The following FAM163A variants were observed in gnomAD, a reference collection of about 807,000 sequenced individuals.
The protein encoded by FAM163A is protein FAM163A.
In FAM163A, 7 loss-of-function variants were observed where a neutral mutation model predicts 12.0. That is an observed-to-expected ratio of 0.58 (90% CI 0.33 to 1.10). The LOEUF is 1.10. Among genes scored for constraint, FAM163A ranks in the 50% least tolerant of loss-of-function variants. The pLI is 0.03. For missense variants in FAM163A, 202 were observed against 218.6 expected (o/e 0.92, Z 0.48); for synonymous variants, 101 against 91.0 (o/e 1.11, Z -0.62).
At chr1:179,764,532 A>G (rs964963038) in intron 1 of FAM163A, among the ~76,000 whole-genome samples, 1 of 152,152 alleles carries the variant, frequency 6.6e-6, no homozygotes, top group African/African-American at 2.4e-5. Flanking sequence ...TTACCCTTCC[A>G]TGGTAGATGA....
chr1:179,765,677 A>AT (rs749528573), intron 1 of FAM163A, among the ~76,000 whole-genome samples: 8,042 of 127,144 alleles, frequency 0.063, 433 homozygotes, highest in African/African-American at 0.15. Context: ...AGCTTTGGGA[A>AT]TTTTTTTTTT....
intron 1 of FAM163A, among the ~76,000 whole-genome samples, chr1:179,789,104 A>G (rs1207809979): frequency 2.0e-5 from 3 of 152,262 alleles, no homozygotes; most frequent in Non-Finnish European, 4.4e-5. Context: ...TTAAAAACAC[A>G]ACTTGAAATA....
chr1:179,769,985 A>G (rs1688056865), intron 1 of FAM163A, among the ~76,000 whole-genome samples: 2 of 137,654 alleles, frequency 1.5e-5, no homozygotes, highest in South Asian at 4.5e-4. Context: ...GGCTCACTGC[A>G]AGCTCCGCCT....
chr1:179,742,823 C>A (rs1298608808), upstream of FAM163A: 5 of 152,200 alleles, frequency 3.3e-5, no homozygotes, highest in East Asian at 3.9e-4. Flanking sequence ...CGCCCTGCCA[C>A]GAGGCCCGGG....
chr1:179,813,933 C>T lies in FAM163A; in HGVS notation c.248C>T (p.Pro83Leu). The T allele has an allele frequency of 1.9e-6, 3 of 1,613,768 alleles. No individual in the cohort carries two copies. Among genetic ancestry groups the T allele is most frequent in the Non-Finnish European group, 2.5e-6 (3 of 1,180,012 alleles). Residue 83 changes from proline to leucine, a missense_variant, in exon 5 of 5, where the codon CCC becomes CTC. By Grantham distance (98) the Pro-to-Leu change is moderately conservative. Transcript: ENST00000341785. ...AGCCTGGCGCCTCTCACCAGCGAGC[C>T]CTGCAGCCAGCCCTGTGGGGTGGCC... ...RGSLAPLTSE[P>L]CSQPCGVAAS...
At chr1:179,739,166 T>C (rs1475180377), upstream of FAM163A, among the ~76,000 whole-genome samples, 3 of 150,998 alleles carry the variant, frequency 2.0e-5, no homozygotes, top group South Asian at 2.1e-4. Context: ...TCACATCTTA[T>C]ACAAAAATTA....
At chr1:179,788,092 G>A (rs1690909573) in intron 1 of FAM163A, among the ~76,000 whole-genome samples, 1 of 152,292 alleles carries the variant, frequency 6.6e-6, no homozygotes, top group East Asian at 1.9e-4. Context: ...TCTCTATAAA[G>A]GTAATTTTGT....
chr1:179,753,483 G>T (rs887111101), intron 1 of FAM163A, among the ~76,000 whole-genome samples: 15 of 152,206 alleles, frequency 9.9e-5, no homozygotes, highest in African/African-American at 3.4e-4. Context: ...AAAGGGCACA[G>T]TTTAATGGAA....
At chr1:179,744,158 T>C (rs955029396) in intron 1 of FAM163A, among the ~76,000 whole-genome samples, 1 of 151,920 alleles carries the variant, frequency 6.6e-6, no homozygotes, top group South Asian at 2.1e-4. Flanking sequence ...GGCCAGCGAG[T>C]CTGGGGCCAG....
At chr1:179,728,629 G>A in the FAM163A span, among the ~76,000 whole-genome samples, 1 of 152,200 alleles carries the variant, frequency 6.6e-6, no homozygotes, top group South Asian at 2.1e-4. Context: ...GAGGGTTGAT[G>A]TTTGTGGGTT....
At chr1:179,731,850 G>A in the FAM163A span, among the ~76,000 whole-genome samples, 4 of 152,298 alleles carry the variant, frequency 2.6e-5, no homozygotes, top group South Asian at 2.1e-4. Context: ...TCATTGTAGA[G>A]GGCAAATATT....
At chr1:179,730,203 C>G in the FAM163A span, 1 of 152,252 alleles carries the variant, frequency 6.6e-6, no homozygotes, top group Non-Finnish European at 1.5e-5. Flanking sequence ...TAGGGGAAGC[C>G]ATCCGAATGC....
At chr1:179,785,095 G>C (rs1158054009) in intron 1 of FAM163A, among the ~76,000 whole-genome samples, 3 of 152,166 alleles carry the variant, frequency 2.0e-5, no homozygotes, top group African/African-American at 7.2e-5. Flanking sequence ...TCAATTAAAG[G>C]CGCAGTAATT....
At chr1:179,729,148 T>C in the FAM163A span, among the ~76,000 whole-genome samples, 1 of 152,312 alleles carries the variant, frequency 6.6e-6, no homozygotes, top group South Asian at 2.1e-4. Context: ...GTTGTTTCTT[T>C]AGAATAGTCT....
At chr1:179,805,485 G>A (rs1192128460) in intron 1 of FAM163A, among the ~76,000 whole-genome samples, 1 of 151,520 alleles carries the variant, frequency 6.6e-6, no homozygotes, top group African/African-American at 2.4e-5. Context: ...GCAGTGAGCC[G>A]AGATTGTGCC....
upstream of FAM163A, among the ~76,000 whole-genome samples, chr1:179,741,452 C>T (rs1285278089): frequency 6.6e-6 from 1 of 152,198 alleles, no homozygotes; most frequent in Non-Finnish European, 1.5e-5. Context: ...CTAAAGATTG[C>T]ACTTGCATAC....
At chr1:179,766,077 A>G (rs1687456182) in intron 1 of FAM163A, among the ~76,000 whole-genome samples, 1 of 152,176 alleles carries the variant, frequency 6.6e-6, no homozygotes, top group African/African-American at 2.4e-5. Context: ...ACAATACCCC[A>G]AGATGAAGGC....
At chr1:179,772,149 G>A (rs1331067022) in intron 1 of FAM163A, among the ~76,000 whole-genome samples, 6 of 152,156 alleles carry the variant, frequency 3.9e-5, no homozygotes, top group Middle Eastern at 3.4e-3. Flanking sequence ...CAACTCCTCC[G>A]GACTTTCTGT....
the FAM163A span, among the ~76,000 whole-genome samples, chr1:179,738,179 TA>T: frequency 3.9e-5 from 6 of 152,230 alleles, no homozygotes; most frequent in Non-Finnish European, 7.3e-5. Flanking sequence ...GCATAAATTC[TA>T]GTGCTCTGTA....
Sources: allele counts gnomAD v4.1 joint callset (sites outside exome capture counted in the v4.1 genomes callset), GRCh38; gene constraint gnomAD v4.1.1; transcripts MANE v1.5; gene names NCBI Gene and HGNC (gene_info 2026-07-23, HGNC 2026-07-21).